GPC5: variants seen among roughly 807,000 people sequenced by gnomAD.
The protein encoded by GPC5 is glypican-5.
Under a neutral mutation model 53.9 loss-of-function variants are expected in GPC5, and 47 were observed. That is an observed-to-expected ratio of 0.87 (90% confidence interval 0.69 to 1.11). The LOEUF is 1.11. GPC5 is among the 50% of genes most tolerant of loss of function. GPC5 has a pLI of 0.00. For missense variants in GPC5, 748 were observed against 713.1 expected, an observed-to-expected ratio of 1.05 and a Z score of -0.56; for synonymous variants, 286 against 263.3, an observed-to-expected ratio of 1.09 and a Z score of -0.84.
At chr13:92,850,807 C>T (rs1878769981) in intron 7 of GPC5, among the ~76,000 whole-genome samples, 1 of 152,120 alleles carries the variant, frequency 6.6e-6, no homozygotes, top group Non-Finnish European at 1.5e-5. Context: ...TGAGAATTCT[C>T]AGTACAGTTG....
At chr13:92,123,596 T>C (rs1449547289) in intron 6 of GPC5, among the ~76,000 whole-genome samples, 1 of 152,168 alleles carries the variant, frequency 6.6e-6, no homozygotes, top group African/African-American at 2.4e-5. Flanking sequence ...GCAGCTAGAA[T>C]ATGTAATGCA....
chr13:92,122,952 A>G (rs1172382307), intron 6 of GPC5, among the ~76,000 whole-genome samples: 1 of 152,124 alleles, frequency 6.6e-6, no homozygotes, highest in Non-Finnish European at 1.5e-5. Context: ...AAGAATATAG[A>G]CATTATGTAT....
intron 5 of GPC5, among the ~76,000 whole-genome samples, chr13:91,815,093 T>G (rs1435971477): frequency 6.6e-6 from 1 of 152,096 alleles, no homozygotes; most frequent in East Asian, 1.9e-4. Flanking sequence ...AAGCTGGGTA[T>G]GGTGGCTCAC....
chr13:91,983,369 G>A (rs2040378353), intron 6 of GPC5, among the ~76,000 whole-genome samples: 1 of 151,986 alleles, frequency 6.6e-6, no homozygotes, highest in Non-Finnish European at 1.5e-5. Context: ...CCCAAGGGAG[G>A]AGGAAAAGAG....
intron 6 of GPC5, among the ~76,000 whole-genome samples, chr13:92,015,990 G>A (rs746656841): frequency 6.6e-6 from 1 of 152,174 alleles, no homozygotes; most frequent in African/African-American, 2.4e-5. Context: ...ATTCTGCAGT[G>A]CAGGGAAATA....
At chr13:91,842,175 G>C (rs1405450281) in intron 5 of GPC5, among the ~76,000 whole-genome samples, 1 of 151,772 alleles carries the variant, frequency 6.6e-6, no homozygotes, top group East Asian at 1.9e-4. Context: ...TAGAGCAAAG[G>C]AATGAGAACA....
At chr13:91,640,370 A>G (rs983143079) in intron 2 of GPC5, among the ~76,000 whole-genome samples, 2 of 152,220 alleles carry the variant, frequency 1.3e-5, no homozygotes, top group Non-Finnish European at 2.9e-5. Context: ...GCCAAGAAAC[A>G]TGATAAAAGC....
At chr13:91,811,898 A>G (rs1340239324) in intron 5 of GPC5, among the ~76,000 whole-genome samples, 1 of 152,228 alleles carries the variant, frequency 6.6e-6, no homozygotes, top group Non-Finnish European at 1.5e-5. Context: ...ATCACAGCGA[A>G]GATCTAAATA....
At chr13:92,080,690 A>G (rs2041288021) in intron 6 of GPC5, among the ~76,000 whole-genome samples, 1 of 152,234 alleles carries the variant, frequency 6.6e-6, no homozygotes, top group Non-Finnish European at 1.5e-5. Context: ...ATCTCATAGA[A>G]TAATGTTCTT....
At chr13:91,724,135 A>G (rs771299552) in intron 3 of GPC5, among the ~76,000 whole-genome samples, 7 of 152,226 alleles carry the variant, frequency 4.6e-5, no homozygotes, top group Non-Finnish European at 7.3e-5. Context: ...TACCAATAGC[A>G]TAGTTCCTCT....
chr13:92,125,924 G>GTTTTTTTTTTTTT (rs1190169532), intron 6 of GPC5, among the ~76,000 whole-genome samples: 10 of 75,868 alleles, frequency 1.3e-4, no homozygotes, highest in African/African-American at 4.2e-4. Flanking sequence ...TTGTTTTTTG[G>GTTTTTTTTTTTTT]TTTTTTTTTT....
At chr13:92,046,643 C>A (rs1049935567) in intron 6 of GPC5, among the ~76,000 whole-genome samples, 1 of 152,154 alleles carries the variant, frequency 6.6e-6, no homozygotes, top group Non-Finnish European at 1.5e-5. Context: ...AGAGTGCTTC[C>A]ATTATTCTGC....
chr13:91,660,679 C>G (rs2034966912), intron 2 of GPC5, among the ~76,000 whole-genome samples: 1 of 152,080 alleles, frequency 6.6e-6, no homozygotes, highest in Non-Finnish European at 1.5e-5. Context: ...AATCAGATCA[C>G]CAGGAAATTT....
chr13:91,843,426 A>G (rs1480455735), intron 5 of GPC5, among the ~76,000 whole-genome samples: 2 of 152,178 alleles, frequency 1.3e-5, no homozygotes, highest in East Asian at 3.8e-4. Context: ...AGGAAGAGGG[A>G]CAAACATGAA....
chr13:92,528,639 A>G (rs1229791998), intron 7 of GPC5, among the ~76,000 whole-genome samples: 1 of 152,096 alleles, frequency 6.6e-6, no homozygotes, highest in African/African-American at 2.4e-5. Context: ...ACTGTCTTCA[A>G]TAAATGCCTA....
At chr13:92,134,565 G>A (rs112740635) in intron 6 of GPC5, among the ~76,000 whole-genome samples, 2 of 152,018 alleles carry the variant, frequency 1.3e-5, no homozygotes, top group African/African-American at 4.8e-5. Context: ...ATAATAAATA[G>A]GACTTAATAA....
chr13:91,442,126 C>T (rs1880482667), intron 1 of GPC5, among the ~76,000 whole-genome samples: 2 of 152,246 alleles, frequency 1.3e-5, no homozygotes, highest in Non-Finnish European at 1.5e-5. Context: ...GGAAGCCACA[C>T]AAATGTATGG....
At chr13:92,657,304 T>C (rs1886168728) in intron 7 of GPC5, among the ~76,000 whole-genome samples, 1 of 152,146 alleles carries the variant, frequency 6.6e-6, no homozygotes, top group Non-Finnish European at 1.5e-5. Flanking sequence ...AAATAAATAG[T>C]ACATACATTG....
chr13:91,538,231 C>G (rs982612685), intron 2 of GPC5, among the ~76,000 whole-genome samples: 1 of 152,136 alleles, frequency 6.6e-6, no homozygotes, highest in Non-Finnish European at 1.5e-5. Flanking sequence ...CACAGTTGAG[C>G]AAGGAGCTGT....
Sources: gnomAD v4.1 joint callset for allele counts (sites outside exome capture counted in the v4.1 genomes callset) on GRCh38, gnomAD v4.1.1 for gene constraint, MANE v1.5 for transcripts, NCBI Gene and HGNC (gene_info 2026-07-23, HGNC 2026-07-21) for gene names.